Variants in DKK3 observed in about 807,000 individuals in gnomAD.
DKK3 encodes the protein dickkopf-related protein 3.
A neutral mutation model predicts 33.2 loss-of-function variants in DKK3; 22 were observed. That is an observed-to-expected ratio of 0.66 (90% CI 0.47 to 0.95). The LOEUF is 0.95. DKK3 is among the 40% of genes least tolerant of loss of function. The pLI is 0.00. For missense variants in DKK3, 398 were observed against 458.4 expected (o/e 0.87, Z 1.20); for synonymous variants, 194 against 188.8 (o/e 1.03, Z -0.23).
intron 3 of DKK3, among the ~76,000 whole-genome samples, chr11:11,977,603 G>A (rs985167305): frequency 5.9e-5 from 9 of 152,140 alleles, no homozygotes; most frequent in Admixed American, 1.3e-4. Flanking sequence ...ACACTTCTCC[G>A]GGGACTTAGG....
At chr11:11,989,240 T>A (rs1848137118) in intron 3 of DKK3, among the ~76,000 whole-genome samples, 1 of 152,180 alleles carries the variant, frequency 6.6e-6, no homozygotes, top group South Asian at 2.1e-4. Context: ...TATGAAAGAA[T>A]ATCAAAGAGA....
upstream of DKK3, chr11:12,008,848 C>G: frequency 8.7e-7 from 1 of 1,154,486 alleles, no homozygotes. The surrounding 1 kb of genome is among the most constrained non-coding windows in gnomAD (Gnocchi z 4.6). Context: ...TCCTCGAGCA[C>G]AAGCTGAGCT....
At chr11:11,978,066 A>C (rs1331604900) in intron 3 of DKK3, among the ~76,000 whole-genome samples, 1 of 152,160 alleles carries the variant, frequency 6.6e-6, no homozygotes, top group African/African-American at 2.4e-5. Context: ...TCATACCAAA[A>C]ATTATTTTAG....
At chr11:12,002,486 A>C in intron 1 of DKK3, 49 bp from the exon 2 acceptor site, 1 of 1,584,094 alleles carries the variant, frequency 6.3e-7, no homozygotes, top group East Asian at 2.2e-5. Flanking sequence ...TCTTGTTACA[A>C]ATGGGAGTCT....
intron 3 of DKK3, among the ~76,000 whole-genome samples, chr11:11,983,288 G>A (rs12225759): frequency 0.31 from 46,408 of 152,080 alleles, 7,346 homozygotes; most frequent in East Asian, 0.52. Context: ...AGCACTTGGA[G>A]ATAGCACCTA....
chr11:11,993,672 A>C (rs1327832907), intron 3 of DKK3, among the ~76,000 whole-genome samples: 15 of 152,226 alleles, frequency 9.9e-5, no homozygotes, highest in Admixed American at 9.8e-4. Context: ...TTCCTACTGA[A>C]TAATGCAAGT....
chr11:12,009,397 A>G (rs1848613147), upstream of DKK3: 1 of 815,426 alleles, frequency 1.2e-6, no homozygotes. Context: ...CCCGCCCACC[A>G]GGCCCACCCC....
chr11:11,994,359 A>G (rs561429923), intron 3 of DKK3, among the ~76,000 whole-genome samples: 1 of 152,162 alleles, frequency 6.6e-6, no homozygotes, highest in South Asian at 2.1e-4. Context: ...CAAAGGGCAG[A>G]GCTTGTAAAA....
At chr11:11,974,538 T>G (rs933044338) in intron 3 of DKK3, among the ~76,000 whole-genome samples, 96 of 152,228 alleles carry the variant, frequency 6.3e-4, no homozygotes, top group African/African-American at 2.2e-3. Flanking sequence ...GGGACCAAAC[T>G]TGCCCTTTTA....
At chr11:11,971,062 A>G (rs1180795928) in intron 3 of DKK3, among the ~76,000 whole-genome samples, 1 of 149,678 alleles carries the variant, frequency 6.7e-6, no homozygotes, top group Non-Finnish European at 1.5e-5. Flanking sequence ...GCAATCCATC[A>G]GCATCTATCA....
chr11:11,993,153 T>C (rs987664), intron 3 of DKK3, among the ~76,000 whole-genome samples: 65,901 of 152,052 alleles, frequency 0.43, 14,874 homozygotes, highest in African/African-American at 0.52. Flanking sequence ...CATTCAAAAA[T>C]ATAGAGATGT....
upstream of DKK3, chr11:12,009,007 C>T (rs868210500): frequency 1.3e-5 from 13 of 994,832 alleles, no homozygotes; most frequent in African/African-American, 5.2e-5. Context: ...GCCCGACCCC[C>T]ACTTCCACCT....
At position 12,008,232 on chromosome 11, in the gene DKK3, C is replaced by A. The variant is rs1387704135; in HGVS notation, c.213+138G>T. ...ATCACCGTGCGCTGCCTCCAGGTCA[C>A]TCCGCATCTGCTGTCGGCCCTTCCC... On this transcript the variant is annotated intron_variant, in intron 1 of 6. Transcript: ENST00000683431. The surrounding 1 kb of genome is among the most constrained non-coding windows in gnomAD (Gnocchi z 4.6). 1.7e-6 allele frequency: 2 copies of A among 1,167,080 alleles called. No homozygotes were observed. The highest frequency in any genetic ancestry group is 2.3e-6 in the Non-Finnish European group (2 of 854,626). The allele number at this position is 1,167,080 out of a possible 1,614,324, so 72.3% of individuals were successfully genotyped here.
intron 3 of DKK3, among the ~76,000 whole-genome samples, chr11:11,979,462 T>C (rs1847910048): frequency 6.6e-6 from 1 of 152,232 alleles, no homozygotes; most frequent in Non-Finnish European, 1.5e-5. Flanking sequence ...TCTCAGGAAC[T>C]GAATCCGGAT....
Position 12,008,619 on chromosome 11 carries a change from C to G in DKK3, c.-37G>C. On this transcript the variant is annotated 5_prime_UTR_variant, in exon 1 of 7. Coordinates refer to ENST00000683431, the MANE Select transcript of DKK3 (RefSeq NM_001018057.2). The surrounding 1 kb of genome is among the most constrained non-coding windows in gnomAD (Gnocchi z 4.6). ...GCCCGCAGCCGCCGCCTGTGTGTCC[C>G]GGAACGCGATCAGAGGCGCGCGGAC... 7 of 1,356,714 alleles carry G rather than the reference C, an allele frequency of 5.2e-6. No individual in the cohort carries two copies. The highest frequency in any genetic ancestry group is 4.7e-6 in the Non-Finnish European group (5 of 1,064,036). The allele number at this position is 1,356,714 out of a possible 1,614,324, so 84.0% of individuals were successfully genotyped here.
chr11:11,969,942 G>A (rs754451455), intron 3 of DKK3, among the ~76,000 whole-genome samples: 20 of 152,188 alleles, frequency 1.3e-4, no homozygotes, highest in Non-Finnish European at 2.6e-4. Context: ...TAGGGTGAAC[G>A]GCCGCCCAAG....
intron 3 of DKK3, among the ~76,000 whole-genome samples, chr11:11,970,617 G>A (rs886722847): frequency 5.9e-5 from 9 of 152,212 alleles, no homozygotes; most frequent in Non-Finnish European, 1.3e-4. Flanking sequence ...AAGGTAGGGA[G>A]CGCACTCTGG....
At chr11:11,990,635 T>C (rs1298191768) in intron 3 of DKK3, among the ~76,000 whole-genome samples, 1 of 152,186 alleles carries the variant, frequency 6.6e-6, no homozygotes, top group Non-Finnish European at 1.5e-5. Context: ...TTGGCATGGC[T>C]CTCAAAGGCC....
chr11:11,988,742 G>A (rs1848124519), intron 3 of DKK3, among the ~76,000 whole-genome samples: 1 of 152,148 alleles, frequency 6.6e-6, no homozygotes, highest in Admixed American at 6.5e-5. Flanking sequence ...TTCCTGAATG[G>A]TCAAGGAAAT....
Sources: gnomAD v4.1 joint callset for allele counts (sites outside exome capture counted in the v4.1 genomes callset) on GRCh38, gnomAD v4.1.1 for gene constraint, Gnocchi (gnomAD v3.1) non-coding constraint, MANE v1.5 for transcripts, NCBI Gene and HGNC (gene_info 2026-07-23, HGNC 2026-07-21) for gene names.